Variants in IL1RAPL1 observed in about 807,000 individuals in gnomAD.
IL1RAPL1 encodes the protein interleukin 1 receptor accessory protein like 1, also known as interleukin-1 receptor accessory protein-like 1.
Under a neutral mutation model 48.4 loss-of-function variants are expected in IL1RAPL1, and 3 were observed. The ratio of observed to expected loss-of-function variants is 0.06; its 90% CI spans 0.03 to 0.16. The LOEUF is 0.16. Among genes scored for constraint, IL1RAPL1 ranks in the 10% least tolerant of loss-of-function variants. The pLI, the probability that IL1RAPL1 is intolerant of heterozygous loss-of-function variation, is 1.00. For synonymous variants in IL1RAPL1, 185 were observed against 187.7 expected (o/e 0.99, Z 0.12); for missense variants, 349 against 530.6 (o/e 0.66, Z 3.36).
chrX:29,188,140 T>TA (rs1930287261), intron 2 of IL1RAPL1, among the ~76,000 whole-genome samples: 1 of 112,111 alleles, frequency 8.9e-6, no homozygotes, highest in African/African-American at 3.2e-5. Context: ...ACCATGTGGT[T>TA]AAAATCATTC....
intron 5 of IL1RAPL1, among the ~76,000 whole-genome samples, chrX:29,515,577 G>A (rs1014029961): frequency 1.8e-5 from 2 of 112,235 alleles, no homozygotes; most frequent in African/African-American, 6.5e-5. Context: ...TCAATAGTTT[G>A]TTCCTCTTTA....
At chrX:28,818,124 T>G in intron 2 of IL1RAPL1, among the ~76,000 whole-genome samples, 1 of 108,742 alleles carries the variant, frequency 9.2e-6, no homozygotes, top group Non-Finnish European at 1.9e-5. Context: ...GCAAGCCAAA[T>G]ATTGAGTTTT....
At chrX:29,815,998 A>G (rs906774982) in intron 6 of IL1RAPL1, among the ~76,000 whole-genome samples, 2 of 111,497 alleles carry the variant, frequency 1.8e-5, no homozygotes, top group African/African-American at 6.5e-5. Flanking sequence ...ATGATCTAAC[A>G]TCACACCTAG....
At chrX:29,418,114 TATATATA>T (rs1443825512) in intron 5 of IL1RAPL1, among the ~76,000 whole-genome samples, 85 of 50,987 alleles carry the variant, frequency 1.7e-3, no homozygotes, top group Middle Eastern at 0.019. Context: ...TATATATATA[TATATATA>T]TATATTTTTT....
At chrX:28,589,588 G>A (rs973550763) in intron 1 of IL1RAPL1, among the ~76,000 whole-genome samples, 3 of 111,491 alleles carry the variant, frequency 2.7e-5, no homozygotes, top group African/African-American at 9.8e-5. Context: ...TTCCAGCCAA[G>A]GTCATAGTTC....
At chrX:28,676,181 C>A (rs182234038) in intron 1 of IL1RAPL1, among the ~76,000 whole-genome samples, 21 of 111,229 alleles carry the variant, frequency 1.9e-4, no homozygotes, top group African/African-American at 6.5e-4. Context: ...ACGATATGAT[C>A]ATTTTATTGC....
intron 5 of IL1RAPL1, among the ~76,000 whole-genome samples, chrX:29,514,233 A>G (rs1935422895): frequency 8.9e-6 from 1 of 111,747 alleles, no homozygotes; most frequent in Non-Finnish European, 1.9e-5. Context: ...AGCCTTCTGA[A>G]ATATAAAATA....
chrX:28,957,596 T>C (rs1924648814), intron 2 of IL1RAPL1, among the ~76,000 whole-genome samples: 1 of 111,605 alleles, frequency 9.0e-6, no homozygotes, highest in African/African-American at 3.3e-5. Context: ...TTAGTGTTTT[T>C]TTGTTCGTAT....
At chrX:29,953,526 A>G in intron 9 of IL1RAPL1, among the ~76,000 whole-genome samples, 1 of 112,126 alleles carries the variant, frequency 8.9e-6, no homozygotes, top group East Asian at 2.8e-4. Context: ...AGATTTTAGA[A>G]CTAAGTTTCT....
chrX:29,586,675 G>A (rs185973551), intron 5 of IL1RAPL1, among the ~76,000 whole-genome samples: 2 of 110,842 alleles, frequency 1.8e-5, no homozygotes, highest in African/African-American at 3.3e-5. Flanking sequence ...CCATGAACAC[G>A]GATATCTATT....
At chrX:29,832,242 T>A (rs923346862) in intron 6 of IL1RAPL1, among the ~76,000 whole-genome samples, 1 of 112,165 alleles carries the variant, frequency 8.9e-6, no homozygotes, top group Admixed American at 9.5e-5. Flanking sequence ...TGAAATTAAA[T>A]CCGTGCTCTA....
At chrX:28,775,963 T>C (rs1236825140) in intron 1 of IL1RAPL1, among the ~76,000 whole-genome samples, 2 of 112,269 alleles carry the variant, frequency 1.8e-5, no homozygotes, top group Non-Finnish European at 3.8e-5. Context: ...ACCCTCATAA[T>C]GTGTATTAAC....
intron 5 of IL1RAPL1, among the ~76,000 whole-genome samples, chrX:29,640,252 C>T (rs1185657191): frequency 1.8e-5 from 2 of 112,372 alleles, no homozygotes; most frequent in Non-Finnish European, 3.8e-5. Context: ...GGCAGCTGAA[C>T]AGTAATCACT....
chrX:29,807,924 G>T (rs1930293673), intron 6 of IL1RAPL1, among the ~76,000 whole-genome samples: 1 of 111,067 alleles, frequency 9.0e-6, no homozygotes, highest in Non-Finnish European at 1.9e-5. Flanking sequence ...ATGAGTAATT[G>T]GTAATCAAAG....
intron 2 of IL1RAPL1, among the ~76,000 whole-genome samples, chrX:28,895,273 AG>A (rs2147322443): frequency 9.0e-6 from 1 of 110,657 alleles, no homozygotes; most frequent in East Asian, 2.9e-4. Flanking sequence ...GGGAATTGTA[AG>A]GGGAGTTATA....
At chrX:28,699,011 T>C (rs2146928963) in intron 1 of IL1RAPL1, among the ~76,000 whole-genome samples, 1 of 112,155 alleles carries the variant, frequency 8.9e-6, no homozygotes, top group South Asian at 3.7e-4. Flanking sequence ...ATGAAATTAT[T>C]TCAGGTAATT....
chrX:29,351,561 G>A (rs1411752929), intron 3 of IL1RAPL1, among the ~76,000 whole-genome samples: 6 of 112,236 alleles, frequency 5.3e-5, no homozygotes, highest in Non-Finnish European at 7.5e-5. Context: ...TTTTCATGCC[G>A]AAAGGTTTTC....
chrX:28,988,726 C>A (rs997372816), intron 2 of IL1RAPL1, among the ~76,000 whole-genome samples: 1 of 111,823 alleles, frequency 8.9e-6, no homozygotes, highest in African/African-American at 3.2e-5. Context: ...TTTACATAAT[C>A]ATCGTGGAAC....
At chrX:29,878,389 T>G (rs1286304913) in intron 6 of IL1RAPL1, among the ~76,000 whole-genome samples, 1 of 112,184 alleles carries the variant, frequency 8.9e-6, no homozygotes, top group African/African-American at 3.2e-5. Context: ...TCTCCCCCTT[T>G]GGGTTTATAT....
Sources: allele counts gnomAD v4.1 joint callset (sites outside exome capture counted in the v4.1 genomes callset), GRCh38; gene constraint gnomAD v4.1.1; transcripts MANE v1.5; gene names NCBI Gene and HGNC (gene_info 2026-07-23, HGNC 2026-07-21).